The following PTPN14 variants were observed in gnomAD, a reference collection of about 807,000 sequenced individuals.
PTPN14 encodes the protein tyrosine-protein phosphatase non-receptor type 14.
A neutral mutation model predicts 126.8 loss-of-function variants in PTPN14; 53 were observed. The ratio of observed to expected loss-of-function variants is 0.42; its 90% CI spans 0.34 to 0.53. PTPN14 has a LOEUF of 0.53. Among genes scored for constraint, PTPN14 ranks in the 20% least tolerant of loss-of-function variants. PTPN14 has a pLI of 0.08. For missense variants in PTPN14, 1,257 were observed against 1,552.9 expected (o/e 0.81, Z 3.20); for synonymous variants, 630 against 599.3 (o/e 1.05, Z -0.75).
At chr1:214,464,060 C>T (rs949530095) in intron 2 of PTPN14, among the ~76,000 whole-genome samples, 3 of 151,996 alleles carry the variant, frequency 2.0e-5, no homozygotes, top group Non-Finnish European at 2.9e-5. Context: ...TCACAGACGG[C>T]GTGAAGGCAA....
At chr1:214,375,370 T>C (rs1308323992) in intron 15 of PTPN14, among the ~76,000 whole-genome samples, 1 of 152,200 alleles carries the variant, frequency 6.6e-6, no homozygotes, top group Non-Finnish European at 1.5e-5. Context: ...TTGATCACAG[T>C]GGACTATCAA....
chr1:214,485,042 T>C (rs1332418636), intron 1 of PTPN14, among the ~76,000 whole-genome samples: 1 of 152,252 alleles, frequency 6.6e-6, no homozygotes, highest in Non-Finnish European at 1.5e-5. Flanking sequence ...ACCACACTTG[T>C]CTTAGCAGTA....
At chr1:214,534,387 G>C (rs773318669) in intron 1 of PTPN14, among the ~76,000 whole-genome samples, 7 of 152,130 alleles carry the variant, frequency 4.6e-5, no homozygotes, top group Non-Finnish European at 8.8e-5. Context: ...CAAGCCACAA[G>C]AGAATGGTTA....
chr1:214,366,420 G>T (rs566286033), intron 17 of PTPN14, among the ~76,000 whole-genome samples: 2 of 152,294 alleles, frequency 1.3e-5, no homozygotes, highest in East Asian at 3.9e-4. Flanking sequence ...GGGTAATACG[G>T]TAGATGCCAC....
Position 214,354,910 on chromosome 1 carries a change from C to T in PTPN14, c.*3012G>A, listed in dbSNP as rs1657781626. 6.6e-6 allele frequency: 1 copy of T among 152,190 alleles called. No individual in the cohort carries two copies. Among genetic ancestry groups the T allele is most frequent in the Non-Finnish European group, 1.5e-5 (1 of 68,038 alleles). The allele number at this position is 152,190 out of a possible 1,614,324, so 9.4% of individuals were successfully genotyped here. ...ATAACTAATTTAATACACTTTGCTT[C>T]AAGGTTTATTCCTTGGCTTGCTTCC... On this transcript the variant is annotated 3_prime_UTR_variant, in exon 19 of 19. Coordinates refer to ENST00000366956, the MANE Select transcript of PTPN14 (RefSeq NM_005401.5).
At chr1:214,460,587 G>A (rs1412111794) in intron 2 of PTPN14, among the ~76,000 whole-genome samples, 1 of 145,662 alleles carries the variant, frequency 6.9e-6, no homozygotes, top group Admixed American at 6.8e-5. Context: ...GCCTTTCCCT[G>A]AAAATTCTAA....
chr1:214,390,972 C>T lies in PTPN14; in HGVS notation c.987+16G>A, dbSNP rs1422761729. 4.7e-6 allele frequency: 7 copies of T among 1,496,844 alleles called. No homozygotes were observed. Among genetic ancestry groups the T allele is most frequent in the Non-Finnish European group, 6.4e-6 (7 of 1,099,548 alleles). The allele number at this position is 1,496,844 out of a possible 1,614,324, so 92.7% of individuals were successfully genotyped here. ...CAACAGTCAGATCACTTGATCACTG[C>T]AGCTTCTATACATACCAGAGAGGAT... is the stretch of plus-strand genomic sequence containing the variant. On this transcript the variant is annotated intron_variant, in intron 11 of 18. Transcript: ENST00000366956.
At chr1:214,463,282 G>A (rs534947053) in intron 2 of PTPN14, among the ~76,000 whole-genome samples, 77 of 151,374 alleles carry the variant, frequency 5.1e-4, no homozygotes, top group Admixed American at 7.9e-4. Context: ...ACATGCAAAT[G>A]TGTGTTTAAA....
intron 1 of PTPN14, among the ~76,000 whole-genome samples, chr1:214,515,032 C>A (rs917978091): frequency 1.3e-5 from 2 of 152,182 alleles, no homozygotes; most frequent in African/African-American, 4.8e-5. Flanking sequence ...GCAGGACTAA[C>A]AGCAAGAACA....
At chr1:214,399,689 G>A (rs965770958) in intron 7 of PTPN14, among the ~76,000 whole-genome samples, 8 of 152,028 alleles carry the variant, frequency 5.3e-5, no homozygotes, top group South Asian at 2.1e-4. Context: ...ATATTTTCTC[G>A]AATAATTACC....
At chr1:214,540,985 A>C (rs1655820133) in intron 1 of PTPN14, among the ~76,000 whole-genome samples, 1 of 152,182 alleles carries the variant, frequency 6.6e-6, no homozygotes, top group African/African-American at 2.4e-5. Context: ...CAATTCCCTA[A>C]ACATTTATTG....
intron 13 of PTPN14, among the ~76,000 whole-genome samples, chr1:214,379,864 C>T (rs974953926): frequency 1.3e-5 from 2 of 152,234 alleles, no homozygotes; most frequent in African/African-American, 4.8e-5. Context: ...CCAAGCCATG[C>T]CCCGACCACC....
At chr1:214,546,432 C>T (rs898133899) in intron 1 of PTPN14, among the ~76,000 whole-genome samples, 1 of 152,086 alleles carries the variant, frequency 6.6e-6, no homozygotes, top group Admixed American at 6.5e-5. Context: ...ACATTTCATA[C>T]GAAAATATGC....
At chr1:214,396,870 T>A (rs879444306) in intron 8 of PTPN14, among the ~76,000 whole-genome samples, 27 of 152,326 alleles carry the variant, frequency 1.8e-4, no homozygotes, top group Admixed American at 3.9e-4. Context: ...GGTATAAAAA[T>A]TTATAGTTAC....
At chr1:214,413,807 T>G (rs1470803973) in intron 4 of PTPN14, among the ~76,000 whole-genome samples, 1 of 152,168 alleles carries the variant, frequency 6.6e-6, no homozygotes, top group Non-Finnish European at 1.5e-5. Flanking sequence ...TAGCTGGAAT[T>G]ACAGGCGTGT....
Position 214,371,496 on chromosome 1 carries a change from T to C in PTPN14, c.3036+1215A>G, listed in dbSNP as rs74644932. On this transcript the variant is annotated intron_variant, in intron 16 of 18. Coordinates refer to ENST00000366956, the MANE Select transcript of PTPN14 (RefSeq NM_005401.5). ...CCCAGACCCACTCTGGACTATAGTT[T>C]TCCATTTCTGCCACGGCACTTACTG... is the stretch of plus-strand genomic sequence containing the variant. Among the ~76,000 whole-genome samples, 25 of 152,260 alleles carry C rather than the reference T, an allele frequency of 1.6e-4. 1 individual carries two copies. The East Asian group carries it at 4.8e-3, about 29-fold the overall frequency.
At chr1:214,373,596 CA>C (rs1658271172) in intron 15 of PTPN14, among the ~76,000 whole-genome samples, 2 of 141,510 alleles carry the variant, frequency 1.4e-5, no homozygotes, top group African/African-American at 5.2e-5. Context: ...CACACACACA[CA>C]CACACACACA....
chr1:214,528,149 C>T (rs909205549), intron 1 of PTPN14: 1 of 152,134 alleles, frequency 6.6e-6, no homozygotes, highest in Non-Finnish European at 1.5e-5. Flanking sequence ...CTGGGCAATC[C>T]TTGGAAGAGA....
intron 1 of PTPN14, among the ~76,000 whole-genome samples, chr1:214,536,808 A>G (rs1057059252): frequency 2.6e-5 from 4 of 152,240 alleles, no homozygotes; most frequent in African/African-American, 9.6e-5. Flanking sequence ...AACATTAACT[A>G]TTAGGTTGAT....
Sources: gnomAD v4.1 joint callset for allele counts (sites outside exome capture counted in the v4.1 genomes callset) on GRCh38, gnomAD v4.1.1 for gene constraint, MANE v1.5 for transcripts, NCBI Gene and HGNC (gene_info 2026-07-23, HGNC 2026-07-21) for gene names.